Variants in SHROOM3 observed in about 807,000 individuals in gnomAD.
The protein encoded by SHROOM3 is shroom family member 3, also known as protein Shroom3.
A neutral mutation model predicts 138.6 loss-of-function variants in SHROOM3; 47 were observed. The observed-to-expected ratio is 0.34, with a 90% CI of 0.27 to 0.43. The LOEUF (loss-of-function observed/expected upper bound fraction) is 0.43, where lower values mean the gene tolerates loss of function less well. SHROOM3 is among the 20% of genes least tolerant of loss of function. The pLI, the probability that SHROOM3 is intolerant of heterozygous loss-of-function variation, is 1.00. For missense variants in SHROOM3, 2,491 were observed against 2,596.5 expected, an observed-to-expected ratio of 0.96 and a Z score of 0.88; for synonymous variants, 1,062 against 1,063.3, an observed-to-expected ratio of 1.00 and a Z score of 0.02.
chr4:76,508,439 C>G (rs1346111406), intron 1 of SHROOM3, among the ~76,000 whole-genome samples: 2 of 152,204 alleles, frequency 1.3e-5, no homozygotes, highest in Non-Finnish European at 2.9e-5. Flanking sequence ...CAGTACCATG[C>G]TGTCTTGATT....
chr4:76,767,755 T>A (rs1560622430), intron 9 of SHROOM3, among the ~76,000 whole-genome samples: 3 of 152,062 alleles, frequency 2.0e-5, no homozygotes, highest in Non-Finnish European at 4.4e-5. Context: ...CCACATGAAA[T>A]AATAGTTTAA....
At chr4:76,577,218 C>T (rs190963759) in intron 2 of SHROOM3, among the ~76,000 whole-genome samples, 1 of 152,306 alleles carries the variant, frequency 6.6e-6, no homozygotes, top group East Asian at 1.9e-4. Flanking sequence ...TCGCATATCA[C>T]AGGCTAAAAA....
Position 76,740,360 on chromosome 4 carries a change from C to T in SHROOM3, c.2187C>T (p.Thr729=), listed in dbSNP as rs749810782. The T allele has an allele frequency of 8.7e-6, 14 of 1,613,060 alleles. No homozygotes were observed. In the South Asian group the frequency reaches 9.9e-5, roughly 11 times the overall value. Residue 729 remains threonine, a synonymous_variant, in exon 5 of 11, where the codon ACC becomes ACT. Transcript: ENST00000296043. This position sits in a 1 kb window ranked among gnomAD's most constrained non-coding sequence, Gnocchi z 4.0. ...QVSYPRPEGR[T]GASASFNSTD... is the part of the protein sequence containing the mutation. ...CCTACCCGCGGCCCGAGGGGAGGAC[C>T]GGTGCCTCGGCTTCTTTCAACAGCA...
intron 2 of SHROOM3, among the ~76,000 whole-genome samples, chr4:76,615,106 A>G (rs1469800242): frequency 6.6e-6 from 1 of 152,234 alleles, no homozygotes; most frequent in East Asian, 1.9e-4. Context: ...AAAAGCAGCA[A>G]GGACAGAGCA....
chr4:76,738,724 C>G (rs201796092), intron 4 of SHROOM3, 37 bp from the exon 5 acceptor site: 152 of 1,610,506 alleles, frequency 9.4e-5, no homozygotes, highest in Non-Finnish European at 6.6e-5. Context: ...TAAATGATAA[C>G]AGCTCAGTGG....
intron 1 of SHROOM3, among the ~76,000 whole-genome samples, chr4:76,443,722 G>A (rs1730745624): frequency 6.6e-6 from 1 of 152,156 alleles, no homozygotes; most frequent in South Asian, 2.1e-4. Context: ...ACATGGGTAC[G>A]CTGTGGATCT....
chr4:76,459,261 T>G (rs527594705), intron 1 of SHROOM3, among the ~76,000 whole-genome samples: 3 of 152,360 alleles, frequency 2.0e-5, no homozygotes, highest in Non-Finnish European at 4.4e-5. Flanking sequence ...CTATTAATTA[T>G]AATTGTGTAG....
At chr4:76,459,169 C>T (rs1731090916) in intron 1 of SHROOM3, among the ~76,000 whole-genome samples, 1 of 152,126 alleles carries the variant, frequency 6.6e-6, no homozygotes, top group South Asian at 2.1e-4. Flanking sequence ...TCTCTTTGAA[C>T]ATAACCAGTA....
chr4:76,586,420 C>T (rs1360073951), intron 2 of SHROOM3: 5 of 985,392 alleles, frequency 5.1e-6, no homozygotes, highest in Non-Finnish European at 6.0e-6. Flanking sequence ...CAGAAATGAC[C>T]AACAGATAAC....
chr4:76,451,736 G>A (rs1730929726), intron 1 of SHROOM3, among the ~76,000 whole-genome samples: 1 of 152,168 alleles, frequency 6.6e-6, no homozygotes. Context: ...GTGAGAGACA[G>A]GAAGAAATTG....
chr4:76,742,073 T>A, intron 5 of SHROOM3, 147 bp downstream of exon 5: 1 of 1,096,960 alleles, frequency 9.1e-7, no homozygotes, highest in Non-Finnish European at 1.3e-6. Flanking sequence ...TTTTCATGAG[T>A]TGAGTTTCTC....
Position 76,759,451 on chromosome 4 carries a change from A to G in SHROOM3, c.5199-94A>G, listed in dbSNP as rs1321829673. ...ATTTCTGGGAAAGAAATTAAATAGA[A>G]TTGTTACGCACTTCTGAATGGACTG... On this transcript the variant is annotated intron_variant, in intron 8 of 10. Transcript: ENST00000296043. 25 of 1,488,772 alleles carry G rather than the reference A, an allele frequency of 1.7e-5. No individual in the cohort carries two copies. The East Asian group carries it at 4.7e-4, about 28-fold the overall frequency. 92.2% of individuals were successfully genotyped at this position (1,488,772 alleles called of 1,614,324 possible). A position where few individuals can be genotyped will look rare whatever the true frequency, so the allele number is the denominator to read the frequency against.
chr4:76,508,597 G>A (rs1732263913), intron 1 of SHROOM3, among the ~76,000 whole-genome samples: 1 of 152,190 alleles, frequency 6.6e-6, no homozygotes, highest in African/African-American at 2.4e-5. Context: ...AGCCAAGTGA[G>A]ATTTTAATAG....
Position 76,755,027 on chromosome 4 carries a change from C to T in SHROOM3, c.4544C>T (p.Pro1515Leu), listed in dbSNP as rs758848336. ...EDEVFVRDPH[P>L]KATSSPTFEP... ...GAAGTGTTTGTGAGGGATCCGCACCCCAAGGCCACGTCCAGCCCCACATTT... is the reference window on the plus strand; with the variant it reads ...GAAGTGTTTGTGAGGGATCCGCACCTCAAGGCCACGTCCAGCCCCACATTT... Residue 1515 changes from proline to leucine, a missense_variant, in exon 7 of 11, where the codon CCC becomes CTC. Transcript: ENST00000296043. 5 of 1,606,706 alleles carry T rather than the reference C, an allele frequency of 3.1e-6. No homozygotes were observed. The East Asian group carries it at 8.9e-5, about 29-fold the overall frequency.
At chr4:76,778,222 ATTTTTTT>A (rs71212454) in intron 10 of SHROOM3, among the ~76,000 whole-genome samples, 1 of 139,952 alleles carries the variant, frequency 7.1e-6, no homozygotes, top group Non-Finnish European at 1.6e-5. Context: ...TACCTTGATG[ATTTTTTT>A]TTTTTTTTTT....
chr4:76,684,986 T>C (rs775177125), intron 2 of SHROOM3, among the ~76,000 whole-genome samples: 44 of 152,346 alleles, frequency 2.9e-4, no homozygotes, highest in Non-Finnish European at 7.4e-5. Context: ...TTTCATTTTG[T>C]TGTGAGTGGT....
chr4:76,706,976 A>T (rs963755368), intron 2 of SHROOM3, among the ~76,000 whole-genome samples: 1 of 152,116 alleles, frequency 6.6e-6, no homozygotes, highest in Admixed American at 6.5e-5. Context: ...CCCGGAGAGG[A>T]TCCTTTAGGG....
At chr4:76,767,225 C>G in intron 9 of SHROOM3, among the ~76,000 whole-genome samples, 1 of 152,170 alleles carries the variant, frequency 6.6e-6, no homozygotes, top group East Asian at 1.9e-4. Flanking sequence ...TGTTGCTGAT[C>G]TGCTTAGGTG....
In SHROOM3 at chr4:76,621,226, C is replaced by T. The variant is rs564741208; in HGVS notation, c.323+65463C>T. 2.6e-5 allele frequency among the ~76,000 whole-genome samples: 4 copies of T among 152,190 alleles called. No homozygotes were observed. The East Asian group carries it at 5.8e-4, about 22-fold the overall frequency. On this transcript the variant is annotated intron_variant, in intron 2 of 10. Transcript: ENST00000296043. ...CAGAGAGCCTCACACTGGGCTAACA[C>T]CTGTCCCAGGAAGTTACCGAATGAC...
Sources: gnomAD v4.1 joint callset for allele counts (sites outside exome capture counted in the v4.1 genomes callset) on GRCh38, gnomAD v4.1.1 for gene constraint, Gnocchi (gnomAD v3.1) non-coding constraint, MANE v1.5 for transcripts, NCBI Gene and HGNC (gene_info 2026-07-23, HGNC 2026-07-21) for gene names.